FAM76A: variants seen among roughly 807,000 people sequenced by gnomAD.
The protein encoded by FAM76A is family with sequence similarity 76 member A.
FAM76A carries 32 observed loss-of-function variants against 46.2 expected under a neutral mutation model. That is an observed-to-expected ratio of 0.69 (90% confidence interval 0.52 to 0.93). The LOEUF is 0.93. Ranked by LOEUF, FAM76A falls within the 40% of genes least tolerant of loss-of-function variation. The probability of loss-of-function intolerance (pLI) is 0.00; values close to 1 mark genes in which losing one functional copy is unlikely to be tolerated. For missense variants in FAM76A, 274 were observed against 361.5 expected (o/e 0.76, Z 1.96); for synonymous variants, 137 against 127.0 (o/e 1.08, Z -0.53).
At chr1:27,738,079 G>A (rs879852675) in intron 4 of FAM76A, among the ~76,000 whole-genome samples, 14 of 151,868 alleles carry the variant, frequency 9.2e-5, no homozygotes, top group Admixed American at 2.6e-4. Context: ...AGGTCTTCAA[G>A]CCAGGCCTGA....
intron 1 of FAM76A, among the ~76,000 whole-genome samples, chr1:27,726,627 GA>G (rs779899897): frequency 6.6e-6 from 1 of 150,940 alleles, no homozygotes; most frequent in Non-Finnish European, 1.5e-5. Flanking sequence ...AGCAAGGCTT[GA>G]TTTTTTTTTT....
rs564764236 is a variant in FAM76A, at chr1:27,755,665, C to G, written c.735+335C>G. 8.2e-4 allele frequency among the ~76,000 whole-genome samples: 125 copies of G among 152,292 alleles called. 1 individual carries two copies. Among genetic ancestry groups the G allele is most frequent in the African/African-American group, 2.9e-3 (122 of 41,576 alleles). On this transcript the variant is annotated intron_variant, in intron 7 of 8. Transcript: ENST00000373954. ...TCATGGCTACTGCAGCCTCTAACTT[C>G]CAGTCTCAGGCAATCCTCCCATCTC...
chr1:27,737,376 A>G (rs2088067290), intron 4 of FAM76A, among the ~76,000 whole-genome samples: 2 of 152,136 alleles, frequency 1.3e-5, no homozygotes, highest in South Asian at 4.1e-4. Flanking sequence ...TAAACCCTTT[A>G]ATGAAAGCTC....
intron 2 of FAM76A, among the ~76,000 whole-genome samples, chr1:27,728,091 C>T (rs1279940135): frequency 6.6e-6 from 1 of 152,144 alleles, no homozygotes; most frequent in Non-Finnish European, 1.5e-5. Context: ...CAGGCGTGAG[C>T]CACCACGCCC....
intron 4 of FAM76A, chr1:27,740,255 G>T: frequency 1.4e-6 from 1 of 714,812 alleles, no homozygotes; most frequent in South Asian, 1.4e-5. Context: ...CAGAGGCTTT[G>T]ATTGAAGACA....
chr1:27,748,495 G>A (rs1245269989), intron 5 of FAM76A, among the ~76,000 whole-genome samples: 4 of 137,272 alleles, frequency 2.9e-5, no homozygotes, highest in Non-Finnish European at 4.6e-5. Flanking sequence ...TTTTTGAGGC[G>A]GAGTCTCGCC....
chr1:27,751,141 C>A (rs1450637882), intron 6 of FAM76A, among the ~76,000 whole-genome samples: 1 of 149,280 alleles, frequency 6.7e-6, no homozygotes, highest in Non-Finnish European at 1.5e-5. Context: ...CAGTGAGACT[C>A]TGTCTCAAAA....
chr1:27,761,305 G>A lies in FAM76A; in HGVS notation c.*724G>A, dbSNP rs1438684450. On this transcript the variant is annotated 3_prime_UTR_variant, in exon 9 of 9. Coordinates refer to ENST00000373954, the MANE Select transcript of FAM76A (RefSeq NM_152660.3). ...TCACTAGCTTTTAGTAAAAGAATCA[G>A]ATCTTTTCTTTCTTGTTACCTTGGA... 6.6e-6 allele frequency: 1 copy of A among 152,446 alleles called. No homozygotes were observed. The highest frequency in any genetic ancestry group is 1.5e-5 in the Non-Finnish European group (1 of 67,982). The allele number at this position is 152,446 out of a possible 1,614,324, so 9.4% of individuals were successfully genotyped here.
chr1:27,759,779 G>GTTTTTTTTTTTTTTTTT (rs542481822), intron 8 of FAM76A, 152 bp downstream of exon 8: 16 of 363,584 alleles, frequency 4.4e-5, no homozygotes, highest in South Asian at 2.1e-4. Flanking sequence ...TTTTTTTTTT[G>GTTTTTTTTTTTTTTTTT]TTTTTTTTTT....
At chr1:27,738,002 G>A (rs2088084810) in intron 4 of FAM76A, among the ~76,000 whole-genome samples, 3 of 151,614 alleles carry the variant, frequency 2.0e-5, no homozygotes, top group African/African-American at 4.8e-5. Context: ...CCAGTGAGCT[G>A]TAATTATACC....
At chr1:27,744,604 G>T (rs1353471832) in intron 4 of FAM76A, 50 bp from the exon 5 acceptor site, 2 of 1,597,690 alleles carry the variant, frequency 1.3e-6, no homozygotes, top group Admixed American at 3.4e-5. Context: ...CACGTTTGCA[G>T]CCACTGCGCT....
At chr1:27,727,564 T>C (rs2087881602) in intron 2 of FAM76A, 28 bp downstream of exon 2, 1 of 1,563,766 alleles carries the variant, frequency 6.4e-7, no homozygotes, top group Non-Finnish European at 8.8e-7. Context: ...ATGAAAGATA[T>C]TAATAGGCTT....
intron 2 of FAM76A, among the ~76,000 whole-genome samples, chr1:27,728,439 A>G (rs967040653): frequency 6.6e-6 from 1 of 150,570 alleles, no homozygotes; most frequent in Non-Finnish European, 1.5e-5. Context: ...TGCAGCCTGG[A>G]CCTCCCGGGC....
chr1:27,741,109 G>T (rs929441582), intron 4 of FAM76A, among the ~76,000 whole-genome samples: 2 of 149,942 alleles, frequency 1.3e-5, no homozygotes, highest in Non-Finnish European at 3.0e-5. Context: ...TCCAGCCTGG[G>T]CAACAAGAGC....
At chr1:27,730,616 T>C (rs532099360) in intron 2 of FAM76A, among the ~76,000 whole-genome samples, 1 of 152,240 alleles carries the variant, frequency 6.6e-6, no homozygotes, top group Non-Finnish European at 1.5e-5. Flanking sequence ...GAATCATTGA[T>C]GGTAATCCTC....
At chr1:27,729,885 C>G (rs1420758569) in intron 2 of FAM76A, among the ~76,000 whole-genome samples, 2 of 152,168 alleles carry the variant, frequency 1.3e-5, no homozygotes, top group Non-Finnish European at 2.9e-5. Context: ...TACTGTCACC[C>G]CATAGAGTCC....
chr1:27,748,568 G>GT (rs1553179052), intron 5 of FAM76A, among the ~76,000 whole-genome samples: 14 of 149,710 alleles, frequency 9.4e-5, no homozygotes, highest in South Asian at 8.5e-4. Flanking sequence ...TGCAGGCTCC[G>GT]CCCCCGGGGT....
intron 2 of FAM76A, among the ~76,000 whole-genome samples, chr1:27,731,502 G>A (rs907794073): frequency 1.3e-5 from 2 of 152,014 alleles, no homozygotes; most frequent in Non-Finnish European, 2.9e-5. Flanking sequence ...TACCGTGCCC[G>A]GCCTAAATAT....
rs2088530448 is a variant in FAM76A, at chr1:27,762,905, A to C, written c.*2324A>C. ...TTCACACGTTTTCTAACTTTCCATA[A>C]GTTCCAAAAAGGGAAAGAAGAAACC... On this transcript the variant is annotated 3_prime_UTR_variant, in exon 9 of 9. Transcript: ENST00000373954. 6.6e-6 allele frequency: 1 copy of C among 152,172 alleles called. No homozygotes were observed. The highest frequency in any genetic ancestry group is 2.1e-4 in the South Asian group (1 of 4,830). 9.4% of individuals were successfully genotyped at this position (152,172 alleles called of 1,614,324 possible). A position where few individuals can be genotyped will look rare whatever the true frequency, so the allele number is the denominator to read the frequency against.
Sources: gnomAD v4.1 joint callset for allele counts (sites outside exome capture counted in the v4.1 genomes callset) on GRCh38, gnomAD v4.1.1 for gene constraint, MANE v1.5 for transcripts, NCBI Gene and HGNC (gene_info 2026-07-23, HGNC 2026-07-21) for gene names.